The following CACNA1A variants were observed in gnomAD, a reference collection of about 807,000 sequenced individuals.
CACNA1A encodes the protein calcium voltage-gated channel subunit alpha1 A, also known as voltage-dependent P/Q-type calcium channel subunit alpha-1A.
CACNA1A carries 57 observed loss-of-function variants against 262.4 expected under a neutral mutation model. That is an observed-to-expected ratio of 0.22 (90% confidence interval 0.18 to 0.27). CACNA1A has a LOEUF of 0.27. Among genes scored for constraint, CACNA1A ranks in the 10% least tolerant of loss-of-function variants. The probability of loss-of-function intolerance (pLI) is 1.00; values close to 1 mark genes in which losing one functional copy is unlikely to be tolerated. For missense variants in CACNA1A, 2,526 were observed against 3,562.8 expected, an observed-to-expected ratio of 0.71 and a Z score of 7.41; for synonymous variants, 1,431 against 1,419.3, an observed-to-expected ratio of 1.01 and a Z score of -0.18.
chr19:13,283,945 A>G (rs539500176), intron 21 of CACNA1A: 1 of 152,626 alleles, frequency 6.6e-6, no homozygotes, highest in Non-Finnish European at 1.5e-5. Context: ...TAGGGGCTCC[A>G]AAAAGTTAGT....
intron 36 of CACNA1A, 66 bp from the exon 37 acceptor site, chr19:13,227,593 A>T: frequency 1.2e-6 from 1 of 836,760 alleles, no homozygotes; most frequent in South Asian, 2.2e-5. Flanking sequence ...ATGGGAACAG[A>T]GAACCAAAGG....
rs772427988 is a variant in CACNA1A, at chr19:13,207,856, C to G, written c.6978G>C (p.Ala2326=). 4 of 1,442,012 alleles carry G rather than the reference C, an allele frequency of 2.8e-6. No homozygotes were observed. The East Asian group carries it at 8.6e-5, about 31-fold the overall frequency. 89.3% of individuals were successfully genotyped at this position (1,442,012 alleles called of 1,614,324 possible). ...TGGCCGCCCGGCCCGGCCTGGCCAC[C>G]GCCTGCTGCTGCTGCTGCTGCTGCT... ...QQQQQQQQQQ[A]VARPGRAATS... The change falls in exon 47 of 47, where the codon GCG becomes GCC. Residue 2326 remains alanine (A), a synonymous_variant. Transcript: ENST00000360228. This position sits in a 1 kb window ranked among gnomAD's most constrained non-coding sequence, Gnocchi z 5.7.
chr19:13,416,830 A>G (rs982320800), intron 3 of CACNA1A, among the ~76,000 whole-genome samples: 1 of 151,680 alleles, frequency 6.6e-6, no homozygotes, highest in Admixed American at 6.6e-5. Context: ...ACAAAAACAA[A>G]CAAACAAATT....
chr19:13,478,465 G>T (rs561281357), intron 1 of CACNA1A, among the ~76,000 whole-genome samples: 94 of 152,086 alleles, frequency 6.2e-4, no homozygotes, highest in Non-Finnish European at 1.2e-3. Context: ...CTACAGGCAT[G>T]CATTGCCACG....
chr19:13,349,494 A>G (rs2145205592), intron 6 of CACNA1A, among the ~76,000 whole-genome samples: 1 of 152,316 alleles, frequency 6.6e-6, no homozygotes, highest in South Asian at 2.1e-4. Context: ...CATGGGGCAC[A>G]TAGGGTGAGG....
chr19:13,209,255 T>TCCTCC (rs2054710705), intron 45 of CACNA1A, 57 bp downstream of exon 45: 14 of 1,430,022 alleles, frequency 9.8e-6, no homozygotes, highest in Non-Finnish European at 1.2e-5. Context: ...CCCTGCCTTC[T>TCCTCC]CCTCCCCTCT....
intron 31 of CACNA1A, among the ~76,000 whole-genome samples, chr19:13,243,405 C>T (rs560586318): frequency 3.9e-5 from 6 of 152,214 alleles, no homozygotes; most frequent in South Asian, 4.1e-4. Flanking sequence ...CCTTCTAGGA[C>T]GGAAGAGCAG....
chr19:13,439,615 G>A (rs969448854), intron 3 of CACNA1A, among the ~76,000 whole-genome samples: 2 of 151,142 alleles, frequency 1.3e-5, no homozygotes, highest in African/African-American at 2.4e-5. Context: ...GTTTCACCAC[G>A]TTAGCCAGGA....
chr19:13,294,022 C>A (rs534063670), intron 19 of CACNA1A, among the ~76,000 whole-genome samples: 157 of 152,130 alleles, frequency 1.0e-3, no homozygotes, highest in Non-Finnish European at 1.8e-3. Flanking sequence ...TGTCACTCTG[C>A]CTCCTTCAAT....
In CACNA1A at chr19:13,286,567, G is replaced by A. The variant is rs771567638; in HGVS notation, c.3489C>T (p.Pro1163=). The change falls in exon 20 of 47, where the codon CCC becomes CCT. Residue 1163 remains proline (P), a synonymous_variant. Transcript: ENST00000360228. ...QTNSAKTARK[P]DHTTVDIPPA... ...GGGGGATGTCCACTGTGGTGTGGTC[G>A]GGTTTCCTGGCAGTCTTAGCTGAAT... is the stretch of plus-strand genomic sequence containing the variant. 56 of 1,550,078 alleles carry A rather than the reference G, an allele frequency of 3.6e-5. No homozygotes were observed. The highest frequency in any genetic ancestry group is 1.2e-4 in the Admixed American group (6 of 49,336).
chr19:13,258,530 G>A (rs1389890655), intron 27 of CACNA1A: 1 of 152,186 alleles, frequency 6.6e-6, no homozygotes, highest in East Asian at 1.9e-4. Context: ...AGTCTATTGC[G>A]ATGATTTTCA....
In CACNA1A at chr19:13,298,819, G is replaced by GC. The variant is rs587776694; in HGVS notation, c.2813dup (p.Ser939GlnfsTer128). On this transcript the variant is annotated frameshift_variant, in exon 19 of 47. Transcript: ENST00000360228. LOFTEE classifies it high-confidence loss of function. ...GGGACCCGCTGCGGCTCTCCCTGCT[G>GC]CCCCCCTGCCGGTGCACGTGCCTCC... 6.4e-7 allele frequency: 1 copy of GC among 1,570,686 alleles called. No individual in the cohort carries two copies.
intron 20 of CACNA1A, 59 bp downstream of exon 20, chr19:13,286,444 C>T: frequency 1.2e-6 from 1 of 817,706 alleles, no homozygotes; most frequent in Non-Finnish European, 1.9e-6. Context: ...CTCAGCAGAG[C>T]CTCTGGCTCC....
At chr19:13,376,605 ATAT>A in intron 3 of CACNA1A, among the ~76,000 whole-genome samples, 1 of 147,438 alleles carries the variant, frequency 6.8e-6, no homozygotes, top group South Asian at 2.1e-4. Context: ...ATAACACATA[ATAT>A]ATGTTATATA....
chr19:13,298,722 C>T lies in CACNA1A; in HGVS notation c.2911G>A (p.Asp971Asn). The T allele has an allele frequency of 6.7e-7, 1 of 1,497,520 alleles. No individual in the cohort carries two copies. Among genetic ancestry groups the T allele is most frequent in the Non-Finnish European group, 8.9e-7 (1 of 1,128,156 alleles). 92.8% of individuals were successfully genotyped at this position (1,497,520 alleles called of 1,614,324 possible). The change falls in exon 19 of 47, where the codon GAC becomes AAC. Residue 971 changes from aspartate to asparagine, a missense_variant. Transcript: ENST00000360228. ...TGCCGCGCCCTCCGCTCCGCCTTGTCCTCCGGACCCTCCTCCCCGGGCCTG... is the reference window on the plus strand; with the variant it reads ...TGCCGCGCCCTCCGCTCCGCCTTGTTCTCCGGACCCTCCTCCCCGGGCCTG... ...HRRPGEEGPE[D>N]KAERRARHRE...
rs576882557 is a variant in CACNA1A at position 13,210,556 on chromosome 19, G to A, written c.6339+61C>T. ...GAGAGATGACGGGACTCCCTGGAGG[G>A]GGGGTGGGGAGGAAGAGGGGGCCGG... On this transcript the variant is annotated intron_variant, in intron 44 of 46. Transcript: ENST00000360228. 1.2e-5 allele frequency: 17 copies of A among 1,451,566 alleles called. No individual in the cohort carries two copies. The South Asian group carries it at 1.7e-4, about 15-fold the overall frequency. The allele number at this position is 1,451,566 out of a possible 1,614,324, so 89.9% of individuals were successfully genotyped here.
chr19:13,501,945 C>T (rs1038550685), intron 1 of CACNA1A, among the ~76,000 whole-genome samples: 10 of 152,120 alleles, frequency 6.6e-5, no homozygotes, highest in African/African-American at 2.2e-4. Context: ...TTGGAAAAGC[C>T]GTGCTAAATT....
chr19:13,230,771 C>T (rs2055633737), intron 35 of CACNA1A, among the ~76,000 whole-genome samples: 1 of 150,702 alleles, frequency 6.6e-6, no homozygotes, highest in Admixed American at 6.6e-5. Flanking sequence ...CTCGCCACTG[C>T]ACTTTAGCCT....
rs777233990 is a variant in CACNA1A at position 13,235,509 on chromosome 19, C to T, written c.5067+105G>A. The T allele has an allele frequency of 1.9e-4, 164 of 847,486 alleles. 1 individual carries two copies. The highest frequency in any genetic ancestry group is 3.2e-4 in the Middle Eastern group (1 of 3,130). 52.5% of individuals were successfully genotyped at this position (847,486 alleles called of 1,614,324 possible). On this transcript the variant is annotated intron_variant, in intron 32 of 46. Coordinates refer to ENST00000360228, the MANE Select transcript of CACNA1A (RefSeq NM_001127222.2). ...CCTTGGAGATAACAGATTCTCTGCA[C>T]GACTACATCACAGAGGCACTTCCAA... is the stretch of plus-strand genomic sequence containing the variant.
Sources: allele counts gnomAD v4.1 joint callset (sites outside exome capture counted in the v4.1 genomes callset), GRCh38; gene constraint gnomAD v4.1.1; non-coding constraint Gnocchi (gnomAD v3.1); transcripts MANE v1.5; gene names NCBI Gene and HGNC (gene_info 2026-07-23, HGNC 2026-07-21).